AK5: variants seen among roughly 807,000 people sequenced by gnomAD.
AK5 encodes the protein adenylate kinase 5.
Under a neutral mutation model 69.5 loss-of-function variants are expected in AK5, and 27 were observed. The ratio of observed to expected loss-of-function variants is 0.39; its 90% CI spans 0.29 to 0.54. The LOEUF (loss-of-function observed/expected upper bound fraction) is 0.54. Ranked by LOEUF, AK5 falls within the 20% of genes least tolerant of loss-of-function variation. The pLI is 0.71. For synonymous variants in AK5, 260 were observed against 244.4 expected, an observed-to-expected ratio of 1.06 and a Z score of -0.60; for missense variants, 531 against 700.4, an observed-to-expected ratio of 0.76 and a Z score of 2.73.
intron 10 of AK5, among the ~76,000 whole-genome samples, chr1:77,506,005 A>G (rs2100275716): frequency 6.6e-6 from 1 of 152,372 alleles, no homozygotes; most frequent in African/African-American, 2.4e-5. Flanking sequence ...GCTACAAAGT[A>G]GGAAAAATGG....
intron 6 of AK5, among the ~76,000 whole-genome samples, chr1:77,371,068 T>C (rs1268677500): frequency 2.0e-5 from 3 of 152,228 alleles, no homozygotes; most frequent in Non-Finnish European, 4.4e-5. Flanking sequence ...AGAGAGGATG[T>C]GGGTATGAAA....
chr1:77,481,483 A>C (rs1304213658), intron 8 of AK5, among the ~76,000 whole-genome samples: 1 of 152,254 alleles, frequency 6.6e-6, no homozygotes, highest in Non-Finnish European at 1.5e-5. Context: ...CTGGAATAGC[A>C]CTGAATGCAC....
In AK5 at chr1:77,559,796, A is replaced by ATCT. The variant is rs1660344854; in HGVS notation, c.*1129_*1131dup. 6.6e-6 allele frequency: 1 copy of ATCT among 151,850 alleles called. No homozygotes were observed. The allele number at this position is 151,850 out of a possible 1,614,324, so 9.4% of individuals were successfully genotyped here. A position where few individuals can be genotyped will look rare whatever the true frequency, so the allele number is the denominator to read the frequency against. On this transcript the variant is annotated 3_prime_UTR_variant, in exon 14 of 14. Coordinates refer to ENST00000354567, the MANE Select transcript of AK5 (RefSeq NM_174858.3). ...TTATATATTCTACTGGAATAACTGC[A>ATCT]TCTTCCACTCAGTCACTACAAAAAA...
intron 8 of AK5, among the ~76,000 whole-genome samples, chr1:77,436,301 C>T (rs1203921845): frequency 2.0e-5 from 3 of 151,872 alleles, no homozygotes; most frequent in Non-Finnish European, 4.4e-5. Flanking sequence ...TCCCAAAACA[C>T]ATTTTACATT....
intron 5 of AK5, among the ~76,000 whole-genome samples, chr1:77,324,394 G>A (rs543457851): frequency 9.2e-5 from 14 of 151,590 alleles, no homozygotes; most frequent in African/African-American, 1.9e-4. Flanking sequence ...ACTAATTTTC[G>A]TGTATGCCTA....
At chr1:77,287,481 C>T (rs992542844) in intron 2 of AK5, among the ~76,000 whole-genome samples, 3 of 152,212 alleles carry the variant, frequency 2.0e-5, no homozygotes, top group African/African-American at 7.2e-5. Context: ...ATAGTTATTA[C>T]ATAGCAGTTC....
chr1:77,331,994 G>A (rs1251209844), intron 5 of AK5, among the ~76,000 whole-genome samples: 2 of 152,134 alleles, frequency 1.3e-5, no homozygotes, highest in African/African-American at 4.8e-5. Flanking sequence ...CTGGAGTGCA[G>A]TGGCACCATC....
chr1:77,555,972 CTACCATCCAGATGTAGAACCTGT>C (rs1660082572), intron 13 of AK5, among the ~76,000 whole-genome samples: 1 of 152,236 alleles, frequency 6.6e-6, no homozygotes, highest in East Asian at 1.9e-4. Flanking sequence ...GGCAAAGCCC[CTACCATCCAGATGTAGAACCTGT>C]AGCTGGACAG....
intron 1 of AK5, chr1:77,283,607 T>C: frequency 4.1e-6 from 4 of 985,450 alleles, no homozygotes; most frequent in Non-Finnish European, 4.8e-6. Flanking sequence ...AGTCAAGATT[T>C]CCAGGTAAAC....
At chr1:77,486,394 A>C (rs530026930) in intron 10 of AK5, 42 bp downstream of exon 10, 20 of 1,492,296 alleles carry the variant, frequency 1.3e-5, no homozygotes, top group East Asian at 2.3e-5. Context: ...ACAATTGCTA[A>C]TAATAAGAAT....
intron 5 of AK5, among the ~76,000 whole-genome samples, chr1:77,309,876 T>C (rs1030060730): frequency 1.3e-5 from 2 of 152,176 alleles, no homozygotes; most frequent in African/African-American, 4.8e-5. Flanking sequence ...ACATATCTTA[T>C]AATATTTTCT....
chr1:77,559,630 A>G lies in AK5; in HGVS notation c.*960A>G, dbSNP rs533237205. 2 of 152,170 alleles carry G rather than the reference A, an allele frequency of 1.3e-5. No individual in the cohort carries two copies. The highest frequency in any genetic ancestry group is 2.9e-5 in the Non-Finnish European group (2 of 68,032). 9.4% of individuals were successfully genotyped at this position (152,170 alleles called of 1,614,324 possible). A position where few individuals can be genotyped will look rare whatever the true frequency, so the allele number is the denominator to read the frequency against. ...GGGCATGTCAGTAAGTGGTGTGTTC[A>G]ATGTGTTTGTTTCATATGGGCCCTT... On this transcript the variant is annotated 3_prime_UTR_variant, in exon 14 of 14. Coordinates refer to ENST00000354567, the MANE Select transcript of AK5 (RefSeq NM_174858.3).
chr1:77,484,379 A>G (rs1001610682), intron 9 of AK5, among the ~76,000 whole-genome samples: 4 of 152,214 alleles, frequency 2.6e-5, no homozygotes, highest in African/African-American at 7.2e-5. Context: ...CTAAACACAT[A>G]TAAGTAAGTG....
At chr1:77,450,308 G>A (rs1351301446) in intron 8 of AK5, among the ~76,000 whole-genome samples, 12 of 152,014 alleles carry the variant, frequency 7.9e-5, no homozygotes, top group Non-Finnish European at 2.9e-5. Context: ...TTCCAAAGTC[G>A]CTTCCATATT....
At chr1:77,334,867 A>G (rs953070175) in intron 5 of AK5, among the ~76,000 whole-genome samples, 3 of 151,852 alleles carry the variant, frequency 2.0e-5, no homozygotes, top group African/African-American at 7.3e-5. Context: ...GGTGGGCCCC[A>G]TATATCACTT....
chr1:77,493,335 C>G (rs998778357), intron 10 of AK5, among the ~76,000 whole-genome samples: 1 of 151,900 alleles, frequency 6.6e-6, no homozygotes, highest in Non-Finnish European at 1.5e-5. Context: ...GCAGCCCCCC[C>G]CAGGTTCTCA....
At chr1:77,307,134 A>G (rs765250052) in intron 5 of AK5, among the ~76,000 whole-genome samples, 4 of 151,146 alleles carry the variant, frequency 2.6e-5, no homozygotes, top group Non-Finnish European at 5.9e-5. Flanking sequence ...TTCTTCTACT[A>G]ATTTTTTTTG....
At chr1:77,406,958 A>G (rs1649698952) in intron 6 of AK5, among the ~76,000 whole-genome samples, 1 of 152,180 alleles carries the variant, frequency 6.6e-6, no homozygotes, top group East Asian at 1.9e-4. Flanking sequence ...AACAAAGCTC[A>G]AGAATATTTA....
chr1:77,525,088 T>C (rs1658199615), intron 12 of AK5, among the ~76,000 whole-genome samples: 1 of 152,180 alleles, frequency 6.6e-6, no homozygotes, highest in African/African-American at 2.4e-5. Flanking sequence ...TTTGTACTTT[T>C]AGTAGAGACG....
Sources: gnomAD v4.1 joint callset for allele counts (sites outside exome capture counted in the v4.1 genomes callset) on GRCh38, gnomAD v4.1.1 for gene constraint, MANE v1.5 for transcripts, NCBI Gene and HGNC (gene_info 2026-07-23, HGNC 2026-07-21) for gene names.